FBXL18: variants seen among roughly 807,000 people sequenced by gnomAD.
FBXL18 encodes the protein F-box/LRR-repeat protein 18.
Under a neutral mutation model 46.0 loss-of-function variants are expected in FBXL18, and 36 were observed. The observed-to-expected ratio is 0.78, with a 90% CI of 0.60 to 1.03. The LOEUF (loss-of-function observed/expected upper bound fraction) is 1.03, where lower values mean the gene tolerates loss of function less well. Ranked by LOEUF, FBXL18 falls within the 50% of genes least tolerant of loss-of-function variation. The pLI is 0.00. For missense variants in FBXL18, 977 were observed against 1,004.1 expected (o/e 0.97, Z 0.36); for synonymous variants, 557 against 465.3 (o/e 1.20, Z -2.54).
Position 5,455,209 on chromosome 7 carries a change from A to G in FBXL18, c.2001-7366T>C, listed in dbSNP as rs559893114. ...GCACTCTCAGAGGAGCACTCCAAGG[A>G]GTACTCTTTGGGAGCATATCTGGGG... On this transcript the variant is annotated intron_variant and NMD_transcript_variant, in intron 4 of 6. Transcript: ENST00000415009. This position sits in a 1 kb window ranked among gnomAD's most constrained non-coding sequence, Gnocchi z 4.6. Among the ~76,000 whole-genome samples, 3 of 152,136 alleles carry G rather than the reference A, an allele frequency of 2.0e-5. No homozygotes were observed. In the South Asian group the frequency reaches 6.2e-4, roughly 32 times the overall value.
intron 4 of FBXL18, among the ~76,000 whole-genome samples, chr7:5,461,047 A>G (rs1184778351): frequency 1.3e-5 from 2 of 152,180 alleles, no homozygotes. Context: ...TGCCTTCTGC[A>G]TTAGGTCCCC....
rs200497913 is a variant in FBXL18 at position 5,481,802 on chromosome 7, G to A, written c.2130C>T (p.Ala710=). Reference sequence around the variant, plus strand: ...ACCACCACAGGTTCGGCGGTTCCTCGGCCACTCTGCTCTTAAATAAGGTGA... The same window carrying A: ...ACCACCACAGGTTCGGCGGTTCCTCAGCCACTCTGCTCTTAAATAAGGTGA... ...DEITLFKSRV[A]EEPPNLWW Residue 710 remains alanine (A), a synonymous_variant, in exon 5 of 5, where the codon GCC becomes GCT. Coordinates refer to ENST00000382368, the MANE Select transcript of FBXL18 (RefSeq NM_024963.6). The A allele has an allele frequency of 2.2e-4, 362 of 1,613,506 alleles. 2 individuals are homozygous for A. The African/African-American group carries it at 4.2e-3, about 19-fold the overall frequency.
rs770612622 is a variant in FBXL18, at chr7:5,500,790, G to A, written c.1479C>T (p.Ser493=). Residue 493 remains serine (S), a synonymous_variant, in exon 3 of 5, where the codon TCC becomes TCT. Transcript: ENST00000382368. The part of the protein sequence containing the change: ...PFLEHLELIG[S]NFSSAMPRNE... ...TGCGGGGCATGGCGGAGGAGAAGTT[G>A]GACCCAATCAGCTCGAGGTGTTCCA... 4.3e-6 allele frequency: 7 copies of A among 1,612,538 alleles called. No individual in the cohort carries two copies. The highest frequency in any genetic ancestry group is 2.2e-5 in the East Asian group (1 of 44,886).
chr7:5,489,360 C>A (rs11769725), intron 4 of FBXL18: 81,938 of 516,624 alleles, frequency 0.16, 7,404 homozygotes, highest in African/African-American at 0.24. Flanking sequence ...GTTGGCCAGG[C>A]GTTGTGGCTC....
At position 5,481,493 on chromosome 7, in the gene FBXL18, C is replaced by T; in HGVS notation, c.*282G>A. 2.7e-6 allele frequency: 1 copy of T among 374,022 alleles called. No individual in the cohort carries two copies. Among genetic ancestry groups the T allele is most frequent in the South Asian group, 2.6e-5 (1 of 37,978 alleles). The allele number at this position is 374,022 out of a possible 1,614,324, so 23.2% of individuals were successfully genotyped here. ...ATTGCGGCTCAGTATACAAACCCCC[C>T]AGCCAGGCCCCAAGGGTCAGCCTGG... is the stretch of plus-strand genomic sequence containing the variant. On this transcript the variant is annotated 3_prime_UTR_variant, in exon 5 of 5. Transcript: ENST00000382368.
intron 2 of FBXL18, among the ~76,000 whole-genome samples, chr7:5,503,979 A>G (rs1461434512): frequency 6.6e-6 from 1 of 151,466 alleles, no homozygotes; most frequent in East Asian, 2.0e-4. Context: ...AAAAAAAAAA[A>G]AATGCTCTGG....
chr7:5,497,910 G>C lies in FBXL18; in HGVS notation c.1781+2578C>G, dbSNP rs150884656. ...ACGTGCCCACGTGCCCCTTAGGCTG[G>C]AGCATGACTTCATGTACCCGCAACC... On this transcript the variant is annotated intron_variant, in intron 3 of 4. Transcript: ENST00000382368. 9.9e-5 allele frequency among the ~76,000 whole-genome samples: 15 copies of C among 152,082 alleles called. No homozygotes were observed. The East Asian group carries it at 2.1e-3, about 22-fold the overall frequency.
At chr7:5,456,203 T>G (rs545447260) in intron 4 of FBXL18, among the ~76,000 whole-genome samples, 158 of 152,174 alleles carry the variant, frequency 1.0e-3, no homozygotes, top group African/African-American at 3.6e-3. Context: ...CGCTGCCTGC[T>G]CCCATCCCTG....
intron 4 of FBXL18, among the ~76,000 whole-genome samples, chr7:5,488,239 G>A (rs1300462267): frequency 6.6e-6 from 1 of 152,260 alleles, no homozygotes; most frequent in Non-Finnish European, 1.5e-5. Flanking sequence ...GCGGCATGGA[G>A]CCGGCCACAG....
chr7:5,471,851 G>A (rs879426278), downstream of FBXL18, among the ~76,000 whole-genome samples: 8 of 152,176 alleles, frequency 5.3e-5, no homozygotes, highest in Non-Finnish European at 8.8e-5. Flanking sequence ...GGTGGCTCAC[G>A]CCTGTAATCC....
intron 4 of FBXL18, among the ~76,000 whole-genome samples, chr7:5,463,786 G>C (rs1250628291): frequency 1.5e-5 from 2 of 133,904 alleles, no homozygotes. Context: ...TGTCGCCCAG[G>C]CTTGAGTGCA....
At chr7:5,503,849 C>T (rs1335898217) in intron 2 of FBXL18, among the ~76,000 whole-genome samples, 3 of 152,010 alleles carry the variant, frequency 2.0e-5, no homozygotes, top group Admixed American at 2.0e-4. Context: ...CGCCTGTAAT[C>T]CCAGCTACTC....
intron 4 of FBXL18, chr7:5,489,161 G>C: frequency 2.2e-6 from 1 of 461,336 alleles, no homozygotes; most frequent in East Asian, 6.0e-5. Flanking sequence ...CCAGATGAGA[G>C]CCGTGAGGAC....
downstream of FBXL18, among the ~76,000 whole-genome samples, chr7:5,471,260 C>T (rs375155134): frequency 3.3e-5 from 5 of 152,296 alleles, no homozygotes; most frequent in East Asian, 9.7e-4. Context: ...CCACGACTCC[C>T]GAGGCTTCCA....
At position 5,476,578 on chromosome 7, in the gene FBXL18, G is replaced by C. The variant is rs1477756634; in HGVS notation, c.*5197C>G. On this transcript the variant is annotated 3_prime_UTR_variant, in exon 5 of 5. Transcript: ENST00000382368. ...ACTCCTGGGCTCAAGCAATCCTCCT[G>C]CCTCAGCCTCCTGAGTAGCTGGGAC... The C allele has an allele frequency of 3.3e-5, 5 of 152,384 alleles. No homozygotes were observed. Among genetic ancestry groups the C allele is most frequent in the African/African-American group, 1.2e-4 (5 of 41,436 alleles). 9.4% of individuals were successfully genotyped at this position (152,384 alleles called of 1,614,324 possible).
At chr7:5,505,075 A>G (rs6946389) in intron 2 of FBXL18, among the ~76,000 whole-genome samples, 38,220 of 151,534 alleles carry the variant, frequency 0.25, 5,052 homozygotes, top group Middle Eastern at 0.3. Flanking sequence ...GGAGAGCCAC[A>G]TATTTAACTT....
rs1204787513 is a variant in FBXL18, at chr7:5,496,950, G to C, written c.1781+3538C>G. 1.4e-5 allele frequency among the ~76,000 whole-genome samples: 2 copies of C among 146,992 alleles called. No individual in the cohort carries two copies. Among genetic ancestry groups the C allele is most frequent in the Non-Finnish European group, 3.0e-5 (2 of 67,526 alleles). The stretch of plus-strand genomic sequence containing the variant: ...GGAGGCTGAGACAGGAGAATCGCTT[G>C]AATCCAGGAGGCAGAGGTTGCAGTG... On this transcript the variant is annotated intron_variant, in intron 3 of 4. Transcript: ENST00000382368. The surrounding 1 kb of genome is among the most constrained non-coding windows in gnomAD (Gnocchi z 4.8).
intron 3 of FBXL18, chr7:5,495,854 C>T (rs1233118791): frequency 4.2e-6 from 2 of 481,396 alleles, no homozygotes; most frequent in South Asian, 3.1e-5. Flanking sequence ...GGCATTTGTT[C>T]TGAACAGGCA....
chr7:5,490,244 G>A, intron 4 of FBXL18: 2 of 1,304,256 alleles, frequency 1.5e-6, no homozygotes, highest in South Asian at 1.2e-5. Flanking sequence ...GGGCGTTCAT[G>A]TCCTGCTGCC....
Sources: gnomAD v4.1 joint callset for allele counts (sites outside exome capture counted in the v4.1 genomes callset) on GRCh38, gnomAD v4.1.1 for gene constraint, Gnocchi (gnomAD v3.1) non-coding constraint, MANE v1.5 for transcripts, NCBI Gene and HGNC (gene_info 2026-07-23, HGNC 2026-07-21) for gene names.